SLC8A3: variants seen among roughly 807,000 people sequenced by gnomAD.
The protein encoded by SLC8A3 is solute carrier family 8 member A3.
SLC8A3 carries 37 observed loss-of-function variants against 65.4 expected under a neutral mutation model. That is an observed-to-expected ratio of 0.57 (90% CI 0.44 to 0.74). The LOEUF (loss-of-function observed/expected upper bound fraction) is 0.74, where lower values mean the gene tolerates loss of function less well. Ranked by LOEUF, SLC8A3 falls within the 30% of genes least tolerant of loss-of-function variation. The probability of loss-of-function intolerance (pLI) is 0.00; values close to 1 mark genes in which losing one functional copy is unlikely to be tolerated. For synonymous variants in SLC8A3, 461 were observed against 444.5 expected, an observed-to-expected ratio of 1.04 and a Z score of -0.47; for missense variants, 1,112 against 1,172.1, an observed-to-expected ratio of 0.95 and a Z score of 0.75.
rs115947134 is a variant in SLC8A3 at position 70,066,017 on chromosome 14, A to G, written c.1785-5078T>C. Among the ~76,000 whole-genome samples the G allele has an allele frequency of 4.7e-3, 723 of 152,378 alleles. 6 individuals are homozygous for G. The highest frequency in any genetic ancestry group is 0.016 in the African/African-American group (682 of 41,590). ...GGACAGACAACATGTCATGTGACAT[A>G]GCATGGCTCGTGCTGTTTTGATTGA... On this transcript the variant is annotated intron_variant, in intron 2 of 6. Transcript: ENST00000356921.
At chr14:70,079,282 G>A (rs536216981) in intron 2 of SLC8A3, among the ~76,000 whole-genome samples, 34 of 141,100 alleles carry the variant, frequency 2.4e-4, no homozygotes, top group African/African-American at 7.2e-4. Context: ...TCAGGAGTTC[G>A]AGACCAGCCT....
chr14:70,097,394 C>A (rs1249576783), intron 2 of SLC8A3, among the ~76,000 whole-genome samples: 1 of 151,896 alleles, frequency 6.6e-6, no homozygotes, highest in African/African-American at 2.4e-5. Context: ...GTTCTGTGTA[C>A]AGAATGTCAT....
intron 2 of SLC8A3, among the ~76,000 whole-genome samples, chr14:70,089,514 A>G (rs891219603): frequency 6.6e-6 from 1 of 152,218 alleles, no homozygotes; most frequent in Non-Finnish European, 1.5e-5. Context: ...GGGATTGTGG[A>G]GCAATGGGCA....
intron 2 of SLC8A3, among the ~76,000 whole-genome samples, chr14:70,081,524 A>G (rs1172996897): frequency 6.6e-6 from 1 of 152,150 alleles, no homozygotes. Context: ...AAGTTTTCCA[A>G]CTGCCCTCTG....
chr14:70,166,612 G>A lies in SLC8A3; in HGVS notation c.1784+27C>T, dbSNP rs771767669. ...AGATGGCAAAAGATGGGGTCAGGGA[G>A]GGGCAGAATACAGGAAGGTTACTTA... On this transcript the variant is annotated intron_variant, in intron 2 of 6. Transcript: ENST00000356921. 2.0e-5 allele frequency: 26 copies of A among 1,298,066 alleles called. No homozygotes were observed. The South Asian group carries it at 3.4e-4, about 17-fold the overall frequency. 80.4% of individuals were successfully genotyped at this position (1,298,066 alleles called of 1,614,324 possible).
chr14:70,141,973 A>G (rs914807172), intron 2 of SLC8A3, among the ~76,000 whole-genome samples: 6 of 150,920 alleles, frequency 4.0e-5, no homozygotes, highest in African/African-American at 1.5e-4. Flanking sequence ...AGTGACTCCA[A>G]TGGCCTCCCT....
intron 2 of SLC8A3, among the ~76,000 whole-genome samples, chr14:70,090,968 A>G (rs1008639676): frequency 1.3e-5 from 2 of 152,218 alleles, no homozygotes; most frequent in Admixed American, 6.5e-5. Flanking sequence ...AAACCTAGCC[A>G]TCAATCCTCT....
intron 1 of SLC8A3, among the ~76,000 whole-genome samples, chr14:70,184,327 G>A (rs911828847): frequency 2.6e-5 from 4 of 151,982 alleles, no homozygotes; most frequent in South Asian, 2.1e-4. Context: ...TCCTAACCCC[G>A]TGCTGGAAAC....
At chr14:70,117,500 T>C (rs1195377404) in intron 2 of SLC8A3, among the ~76,000 whole-genome samples, 2 of 152,226 alleles carry the variant, frequency 1.3e-5, no homozygotes, top group African/African-American at 4.8e-5. Flanking sequence ...GAATATGATT[T>C]CTGGGAAACC....
intron 2 of SLC8A3, among the ~76,000 whole-genome samples, chr14:70,084,657 G>A (rs1396693488): frequency 6.6e-6 from 1 of 152,210 alleles, no homozygotes; most frequent in African/African-American, 2.4e-5. Context: ...ATGACATTAA[G>A]AGAAGGGAAA....
chr14:70,174,400 G>A (rs1248251354), intron 1 of SLC8A3, among the ~76,000 whole-genome samples: 1 of 152,198 alleles, frequency 6.6e-6, no homozygotes, highest in African/African-American at 2.4e-5. Flanking sequence ...ATGCAGGTTG[G>A]GTTAGATGAT....
At chr14:70,130,766 T>C (rs1373818478) in intron 2 of SLC8A3, among the ~76,000 whole-genome samples, 1 of 152,256 alleles carries the variant, frequency 6.6e-6, no homozygotes, top group East Asian at 1.9e-4. Context: ...GGCCTGGTTG[T>C]ATGCTGTAAA....
rs575121685 is a variant in SLC8A3, at chr14:70,180,413, C to T, written c.-63+7966G>A. Among the ~76,000 whole-genome samples, 107 of 152,258 alleles carry T rather than the reference C, an allele frequency of 7.0e-4. 1 individual carries two copies. Among genetic ancestry groups the T allele is most frequent in the South Asian group, 1.5e-3 (7 of 4,816 alleles). On this transcript the variant is annotated intron_variant, in intron 1 of 6. Coordinates refer to ENST00000356921, the MANE Select transcript of SLC8A3 (RefSeq NM_182932.3). ...AATTAACTCTAGGGATGCTCTGGGTCCTCCTATTACAAGGGGGTGCTAGGA... is the reference window on the plus strand; with the variant it reads ...AATTAACTCTAGGGATGCTCTGGGTTCTCCTATTACAAGGGGGTGCTAGGA...
chr14:70,086,182 C>T (rs982139509), intron 2 of SLC8A3, among the ~76,000 whole-genome samples: 1 of 152,052 alleles, frequency 6.6e-6, no homozygotes, highest in Non-Finnish European at 1.5e-5. Context: ...TTTAAGTCTC[C>T]TTCAACTTGA....
intron 2 of SLC8A3, among the ~76,000 whole-genome samples, chr14:70,166,162 C>T (rs922419790): frequency 6.6e-6 from 1 of 152,320 alleles, no homozygotes; most frequent in East Asian, 1.9e-4. Flanking sequence ...GGGAACAAAG[C>T]CAATGCCACT....
chr14:70,123,730 G>A (rs1053439004), intron 2 of SLC8A3, among the ~76,000 whole-genome samples: 41 of 152,162 alleles, frequency 2.7e-4, no homozygotes, highest in African/African-American at 9.4e-4. Context: ...GATTACAGGC[G>A]TGAGCCACCG....
At chr14:70,177,118 G>T (rs1484780390) in intron 1 of SLC8A3, among the ~76,000 whole-genome samples, 7 of 152,228 alleles carry the variant, frequency 4.6e-5, no homozygotes, top group Non-Finnish European at 1.0e-4. Context: ...CAAGAGGGTA[G>T]AAATTTTTAT....
intron 2 of SLC8A3, among the ~76,000 whole-genome samples, chr14:70,161,183 G>A (rs370858672): frequency 9.7e-5 from 14 of 145,014 alleles, no homozygotes; most frequent in Admixed American, 2.1e-4. Flanking sequence ...CTAGCTACTC[G>A]GGAGGCTGAG....
chr14:70,133,055 C>A (rs544263103), intron 2 of SLC8A3, among the ~76,000 whole-genome samples: 1 of 130,882 alleles, frequency 7.6e-6, no homozygotes, highest in Non-Finnish European at 1.5e-5. Flanking sequence ...GTTAGAAAAT[C>A]TTTCCAGCTG....
Sources: allele counts gnomAD v4.1 joint callset (sites outside exome capture counted in the v4.1 genomes callset), GRCh38; gene constraint gnomAD v4.1.1; transcripts MANE v1.5; gene names NCBI Gene and HGNC (gene_info 2026-07-23, HGNC 2026-07-21).